Variants in GRID2 observed in about 807,000 individuals in gnomAD.
GRID2 encodes the protein glutamate ionotropic receptor delta type subunit 2.
In GRID2, 33 loss-of-function variants were observed where a neutral mutation model predicts 114.8. The observed-to-expected ratio is 0.29, with a 90% confidence interval of 0.22 to 0.38. The LOEUF (loss-of-function observed/expected upper bound fraction) is 0.38. Ranked by LOEUF, GRID2 falls within the 10% of genes least tolerant of loss-of-function variation. GRID2 has a pLI of 1.00. For missense variants in GRID2, 1,184 were observed against 1,257.7 expected (o/e 0.94, Z 0.89); for synonymous variants, 505 against 449.9 (o/e 1.12, Z -1.55).
intron 2 of GRID2, among the ~76,000 whole-genome samples, chr4:92,955,077 C>T (rs1752297679): frequency 1.9e-5 from 2 of 106,976 alleles, no homozygotes; most frequent in Non-Finnish European, 3.6e-5. Context: ...AATAAACATA[C>T]ATGTGCATGT....
intron 14 of GRID2, among the ~76,000 whole-genome samples, chr4:93,706,544 C>T (rs1048455234): frequency 6.6e-5 from 10 of 152,126 alleles, no homozygotes; most frequent in Non-Finnish European, 1.5e-5. Context: ...AGAAATGCTA[C>T]TGATTTTTGT....
At chr4:93,645,173 T>A (rs1048563685) in intron 14 of GRID2, among the ~76,000 whole-genome samples, 1 of 152,116 alleles carries the variant, frequency 6.6e-6, no homozygotes, top group Non-Finnish European at 1.5e-5. Flanking sequence ...GTGTTGAGCA[T>A]CAAATGGACA....
At chr4:92,592,497 C>G (rs1229449298) in intron 2 of GRID2, among the ~76,000 whole-genome samples, 1 of 151,860 alleles carries the variant, frequency 6.6e-6, no homozygotes, top group Non-Finnish European at 1.5e-5. Flanking sequence ...CAACATTGCT[C>G]TCTTTAATTA....
intron 2 of GRID2, among the ~76,000 whole-genome samples, chr4:92,655,223 T>C (rs958670163): frequency 2.0e-5 from 3 of 151,876 alleles, no homozygotes; most frequent in Admixed American, 2.0e-4. Context: ...TATTTCTGGG[T>C]TCTCTATTCT....
At chr4:92,699,216 A>T (rs1734557041) in intron 2 of GRID2, among the ~76,000 whole-genome samples, 1 of 152,136 alleles carries the variant, frequency 6.6e-6, no homozygotes, top group Non-Finnish European at 1.5e-5. Context: ...AGCTTGAAGG[A>T]TGTTGGGTGA....
intron 2 of GRID2, among the ~76,000 whole-genome samples, chr4:92,745,013 G>C (rs1737077090): frequency 6.6e-6 from 1 of 152,110 alleles, no homozygotes; most frequent in South Asian, 2.1e-4. Flanking sequence ...AATTTATAAA[G>C]TAAATGAGAA....
chr4:93,684,609 G>C (rs141730113), intron 14 of GRID2, among the ~76,000 whole-genome samples: 1 of 152,162 alleles, frequency 6.6e-6, no homozygotes, highest in East Asian at 1.9e-4. Flanking sequence ...CCAAGAAGCA[G>C]AGTGGGGCTC....
intron 2 of GRID2, among the ~76,000 whole-genome samples, chr4:92,601,735 A>ATTATTTTTATT (rs1729223916): frequency 1.3e-5 from 2 of 151,820 alleles, no homozygotes; most frequent in Admixed American, 1.3e-4. Context: ...TAAATCCAGG[A>ATTATTTTTATT]TTTATTATTA....
intron 8 of GRID2, among the ~76,000 whole-genome samples, chr4:93,359,679 C>A (rs971934221): frequency 6.7e-6 from 1 of 148,806 alleles, no homozygotes; most frequent in African/African-American, 2.5e-5. Flanking sequence ...TATCTTTCTG[C>A]GCCTGGCTCA....
chr4:93,044,292 G>A (rs1330964808), intron 2 of GRID2, among the ~76,000 whole-genome samples: 1 of 152,064 alleles, frequency 6.6e-6, no homozygotes, highest in East Asian at 1.9e-4. Context: ...ATCTTTGGAA[G>A]ATATTTAGCA....
At chr4:92,480,864 G>T (rs1036354129) in intron 1 of GRID2, among the ~76,000 whole-genome samples, 2 of 152,124 alleles carry the variant, frequency 1.3e-5, no homozygotes, top group South Asian at 4.1e-4. Flanking sequence ...TCTGCTACCT[G>T]TGATTAGAGC....
At chr4:93,400,615 G>A (rs1765787866) in intron 9 of GRID2, among the ~76,000 whole-genome samples, 1 of 152,048 alleles carries the variant, frequency 6.6e-6, no homozygotes, top group African/African-American at 2.4e-5. Flanking sequence ...AAAATGGAAA[G>A]GAATTGGTTA....
At chr4:93,336,962 T>A (rs1367552807) in intron 8 of GRID2, among the ~76,000 whole-genome samples, 2 of 134,608 alleles carry the variant, frequency 1.5e-5, no homozygotes, top group East Asian at 3.9e-4. Context: ...AGATGTGGCA[T>A]CCAAAAATTA....
rs117465545 is a variant in GRID2 at position 92,970,729 on chromosome 4, G to C, written c.245-114266G>C. ...TGCACTGATATAAAGCTAACTGATA[G>C]AATTATTTCCAAATATTTATGTTTA... On this transcript the variant is annotated intron_variant, in intron 2 of 15. Transcript: ENST00000282020. Among the ~76,000 whole-genome samples, 76 of 151,950 alleles carry C rather than the reference G, an allele frequency of 5.0e-4. 1 individual carries two copies. The East Asian group carries it at 0.014, about 28-fold the overall frequency.
At chr4:92,663,952 G>A (rs56376798) in intron 2 of GRID2, among the ~76,000 whole-genome samples, 1 of 151,268 alleles carries the variant, frequency 6.6e-6, no homozygotes, top group Non-Finnish European at 1.5e-5. Context: ...ATTCGTCCAT[G>A]TTGTAGCATA....
At chr4:92,745,254 T>C (rs1737091864) in intron 2 of GRID2, among the ~76,000 whole-genome samples, 1 of 152,216 alleles carries the variant, frequency 6.6e-6, no homozygotes, top group South Asian at 2.1e-4. Context: ...TTTCTGCTTT[T>C]AAGGTATGTC....
At chr4:93,498,856 G>T (rs1344823144) in intron 12 of GRID2, among the ~76,000 whole-genome samples, 2 of 151,804 alleles carry the variant, frequency 1.3e-5, no homozygotes, top group Non-Finnish European at 1.5e-5. Context: ...CTTTGTTCCT[G>T]ATCTTGCTGG....
At chr4:93,265,863 A>G (rs1201485641) in intron 8 of GRID2, among the ~76,000 whole-genome samples, 1 of 152,168 alleles carries the variant, frequency 6.6e-6, no homozygotes, top group Non-Finnish European at 1.5e-5. Flanking sequence ...TTAGTACCCC[A>G]TCATTTCTTG....
At chr4:93,326,776 T>C (rs1757881197) in intron 8 of GRID2, among the ~76,000 whole-genome samples, 1 of 152,176 alleles carries the variant, frequency 6.6e-6, no homozygotes, top group East Asian at 1.9e-4. Flanking sequence ...AGTCACTGGC[T>C]TTATCATTCA....
Sources: allele counts gnomAD v4.1 joint callset (sites outside exome capture counted in the v4.1 genomes callset), GRCh38; gene constraint gnomAD v4.1.1; transcripts MANE v1.5; gene names NCBI Gene and HGNC (gene_info 2026-07-23, HGNC 2026-07-21).